LGR5: variants seen among roughly 807,000 people sequenced by gnomAD.
LGR5 encodes leucine-rich repeat-containing G protein-coupled receptor 5.
LGR5 carries 54 observed loss-of-function variants against 76.7 expected under a neutral mutation model. That is an observed-to-expected ratio of 0.70 (90% CI 0.57 to 0.88). The LOEUF is 0.88. Ranked by LOEUF, LGR5 falls within the 40% of genes least tolerant of loss-of-function variation. LGR5 has a pLI of 0.00. For synonymous variants in LGR5, 406 were observed against 421.9 expected, an observed-to-expected ratio of 0.96 and a Z score of 0.46; for missense variants, 1,078 against 1,073.3, an observed-to-expected ratio of 1.00 and a Z score of -0.06.
intron 4 of LGR5, among the ~76,000 whole-genome samples, chr12:71,548,301 C>CTGTGTGTGTGTGTGTGTGTGTGTG (rs10629001): frequency 0.035 from 3,624 of 104,010 alleles, 61 homozygotes; most frequent in Non-Finnish European, 0.065. Context: ...CCTTGTTGCA[C>CTGTGTGTGTGTGTGTGTGTGTGTG]TGTGTGTGTG....
chr12:71,533,139 G>A (rs549575959), intron 3 of LGR5, among the ~76,000 whole-genome samples: 1 of 152,262 alleles, frequency 6.6e-6, no homozygotes, highest in South Asian at 2.1e-4. Flanking sequence ...GAGGTCAGGA[G>A]TTTGAGACCA....
At chr12:71,473,459 C>T (rs1013243132) in intron 1 of LGR5, among the ~76,000 whole-genome samples, 7 of 151,922 alleles carry the variant, frequency 4.6e-5, no homozygotes, top group Non-Finnish European at 8.8e-5. Flanking sequence ...TTCCACTGCC[C>T]TGTCTGTTTT....
chr12:71,483,180 G>A (rs984272220), intron 1 of LGR5, among the ~76,000 whole-genome samples: 8 of 152,122 alleles, frequency 5.3e-5, no homozygotes, highest in African/African-American at 1.9e-4. Context: ...GAAAGACTGA[G>A]GCGAAGAAGT....
At position 71,583,728 on chromosome 12, in the gene LGR5, C is replaced by T; in HGVS notation, c.1718C>T (p.Thr573Ile). 6.2e-7 allele frequency: 1 copy of T among 1,614,164 alleles called. No individual in the cohort carries two copies. The highest frequency in any genetic ancestry group is 8.5e-7 in the Non-Finnish European group (1 of 1,180,024). The change falls in exon 18 of 18, where the codon ACT becomes ATT. Residue 573 changes from threonine to isoleucine, a missense_variant. Coordinates refer to ENST00000266674, the MANE Select transcript of LGR5 (RefSeq NM_003667.4). ...GVWTIAVLALTCNALVTSTVF... is the reference protein window; with the variant it reads ...GVWTIAVLALICNALVTSTVF... Reference sequence around the variant, plus strand: ...TGGACCATAGCAGTTCTGGCACTTACTTGTAATGCTTTGGTGACTTCAACA... The same window carrying T: ...TGGACCATAGCAGTTCTGGCACTTATTTGTAATGCTTTGGTGACTTCAACA...
intron 1 of LGR5, among the ~76,000 whole-genome samples, chr12:71,466,433 G>T (rs750236624): frequency 1.3e-5 from 2 of 152,188 alleles, no homozygotes; most frequent in Admixed American, 6.5e-5. Flanking sequence ...ATGGTGTAAA[G>T]TTGTGAGAAT....
chr12:71,450,012 GGGAATTTAGAATGGGAAGAACCTT>G (rs1460788188), intron 1 of LGR5, among the ~76,000 whole-genome samples: 1 of 152,170 alleles, frequency 6.6e-6, no homozygotes, highest in Non-Finnish European at 1.5e-5. Context: ...TGGCTACCCA[GGGAATTTAGAATGGGAAGAACCTT>G]GGAATTTACC....
At chr12:71,515,756 G>A (rs1344724773) in intron 2 of LGR5, among the ~76,000 whole-genome samples, 6 of 152,114 alleles carry the variant, frequency 3.9e-5, no homozygotes, top group Non-Finnish European at 8.8e-5. Flanking sequence ...AAAATAAAGC[G>A]GCAATTTCTA....
intron 1 of LGR5, among the ~76,000 whole-genome samples, chr12:71,457,246 G>C (rs1472452220): frequency 6.6e-6 from 1 of 152,106 alleles, no homozygotes; most frequent in Non-Finnish European, 1.5e-5. Flanking sequence ...AACAGAGTCC[G>C]GCCTGGCCGT....
chr12:71,556,063 C>T (rs1416627356), intron 5 of LGR5, among the ~76,000 whole-genome samples: 1 of 152,118 alleles, frequency 6.6e-6, no homozygotes, highest in African/African-American at 2.4e-5. Context: ...CAAACTAACA[C>T]AGGAACAGAA....
intron 4 of LGR5, among the ~76,000 whole-genome samples, chr12:71,547,359 A>G (rs1320989414): frequency 6.6e-6 from 1 of 152,204 alleles, no homozygotes; most frequent in Non-Finnish European, 1.5e-5. Flanking sequence ...TAAATAGAGA[A>G]ACACCAGCCC....
At chr12:71,508,214 G>A (rs1034926729) in intron 2 of LGR5, among the ~76,000 whole-genome samples, 14 of 152,192 alleles carry the variant, frequency 9.2e-5, no homozygotes, top group Non-Finnish European at 1.6e-4. Context: ...GTGACAGTGC[G>A]AGACTCCGTC....
intron 4 of LGR5, among the ~76,000 whole-genome samples, chr12:71,539,349 G>A (rs1876758705): frequency 1.3e-5 from 2 of 152,246 alleles, no homozygotes; most frequent in African/African-American, 2.4e-5. Flanking sequence ...CACTGAAATT[G>A]GTAACATTGC....
At chr12:71,580,901 C>A (rs1879063226) in intron 16 of LGR5, among the ~76,000 whole-genome samples, 1 of 152,164 alleles carries the variant, frequency 6.6e-6, no homozygotes, top group Non-Finnish European at 1.5e-5. Flanking sequence ...TTTTTAAAGA[C>A]TACTTGAGAA....
In LGR5 at chr12:71,584,303, G is replaced by A. The variant is rs957630155; in HGVS notation, c.2293G>A (p.Val765Ile). The A allele has an allele frequency of 4.3e-6, 7 of 1,614,052 alleles. No homozygotes were observed. In the East Asian group the frequency reaches 8.9e-5, roughly 21 times the overall value. The change falls in exon 18 of 18, where the codon GTA (valine) becomes ATA (isoleucine). Residue 765 changes from valine (V) to isoleucine (I), a missense_variant. Transcript: ENST00000266674. ...DLENIWDCSM[V>I]KHIALLLFTN... ...GGAGAATATTTGGGACTGCTCTATG[G>A]TAAAACACATTGCCCTGTTGCTCTT...
intron 11 of LGR5, among the ~76,000 whole-genome samples, chr12:71,568,252 T>C (rs535738470): frequency 6.6e-6 from 1 of 152,324 alleles, no homozygotes; most frequent in East Asian, 1.9e-4. Context: ...AAGCAAAGGC[T>C]GTGGAGCCAA....
chr12:71,553,112 C>A lies in LGR5; in HGVS notation c.468C>A (p.Ser156Arg), dbSNP rs770671556. 1.2e-6 allele frequency: 2 copies of A among 1,614,044 alleles called. No homozygotes were observed. The highest frequency in any genetic ancestry group is 1.7e-6 in the Non-Finnish European group (2 of 1,180,020). ...ACCACATCAGCTATGTGCCCCCAAG[C>A]TGTTTCAGTGGCCTGCATTCCCTGA... ...DANHISYVPP[S>R]CFSGLHSLRH... Residue 156 changes from serine to arginine, a missense_variant, in exon 5 of 18, where the codon AGC (serine) becomes AGA (arginine). By Grantham distance (110) the Ser-to-Arg change is moderately radical. Transcript: ENST00000266674.
intron 3 of LGR5, among the ~76,000 whole-genome samples, chr12:71,525,669 A>G (rs984615024): frequency 6.6e-6 from 1 of 151,728 alleles, no homozygotes; most frequent in African/African-American, 2.4e-5. Context: ...ATTTTACTAG[A>G]ATCAAGTATT....
intron 1 of LGR5, among the ~76,000 whole-genome samples, chr12:71,476,512 G>T (rs77906867): frequency 0.018 from 2,732 of 152,212 alleles, 106 homozygotes; most frequent in African/African-American, 0.063. Context: ...TGGTAGCATG[G>T]GTGACAGTGG....
chr12:71,441,224 G>A (rs528859392), intron 1 of LGR5, among the ~76,000 whole-genome samples: 1 of 152,134 alleles, frequency 6.6e-6, no homozygotes, highest in Non-Finnish European at 1.5e-5. Context: ...AAGGTAACAG[G>A]TAGTTGGGTG....
Sources: allele counts gnomAD v4.1 joint callset (sites outside exome capture counted in the v4.1 genomes callset), GRCh38; gene constraint gnomAD v4.1.1; transcripts MANE v1.5; gene names NCBI Gene and HGNC (gene_info 2026-07-23, HGNC 2026-07-21).